ADGRB3: variants seen among roughly 807,000 people sequenced by gnomAD.
ADGRB3 encodes the protein adhesion G protein-coupled receptor B3.
Under a neutral mutation model 193.4 loss-of-function variants are expected in ADGRB3, and 37 were observed. The ratio of observed to expected loss-of-function variants is 0.19; its 90% CI spans 0.15 to 0.25. The LOEUF (loss-of-function observed/expected upper bound fraction) is 0.25, where lower values mean the gene tolerates loss of function less well. ADGRB3 is among the 10% of genes least tolerant of loss of function. ADGRB3 has a pLI of 1.00. For synonymous variants in ADGRB3, 690 were observed against 644.2 expected (o/e 1.07, Z -1.08); for missense variants, 1,637 against 1,852.9 (o/e 0.88, Z 2.14).
chr6:68,944,174 A>C (rs941684199), intron 6 of ADGRB3, among the ~76,000 whole-genome samples, 180 bp downstream of exon 6: 1 of 152,168 alleles, frequency 6.6e-6, no homozygotes, highest in African/African-American at 2.4e-5. Flanking sequence ...AGTATTGTAG[A>C]ATATGTCCTT....
rs778167328 is a variant in ADGRB3 at position 69,233,263 on chromosome 6, T to A, written c.2481-27T>A. On this transcript the variant is annotated intron_variant, in intron 17 of 31. Transcript: ENST00000370598. ...GGCTATCAGGCGTATTTATCCCGAT[T>A]TCCTCCCCCCTCACTCCCCTTTGCA... 1.9e-6 allele frequency: 3 copies of A among 1,610,278 alleles called. No individual in the cohort carries two copies. The South Asian group carries it at 3.3e-5, about 18-fold the overall frequency.
At chr6:69,183,620 T>A (rs1007449768) in intron 17 of ADGRB3, among the ~76,000 whole-genome samples, 5 of 152,124 alleles carry the variant, frequency 3.3e-5, no homozygotes, top group African/African-American at 1.2e-4. Flanking sequence ...ATTATTGATT[T>A]CATTTTTTTT....
At position 69,300,145 on chromosome 6, in the gene ADGRB3, G is replaced by A. The variant is rs184298185; in HGVS notation, c.2815-24727G>A. Among the ~76,000 whole-genome samples, 10 of 151,620 alleles carry A rather than the reference G, an allele frequency of 6.6e-5. No homozygotes were observed. The East Asian group carries it at 1.9e-3, about 30-fold the overall frequency. The stretch of plus-strand genomic sequence containing the variant: ...CACAATCAAGTGAGATTCATTCCAG[G>A]GATACAAAGATGGTTTAACATACAC... On this transcript the variant is annotated intron_variant, in intron 20 of 31. Coordinates refer to ENST00000370598, the MANE Select transcript of ADGRB3 (RefSeq NM_001704.3).
At chr6:68,653,476 G>A (rs1439056985) in intron 3 of ADGRB3, among the ~76,000 whole-genome samples, 1 of 151,986 alleles carries the variant, frequency 6.6e-6, no homozygotes, top group African/African-American at 2.4e-5. Context: ...GGGGAAGAAT[G>A]TATGCACATA....
intron 3 of ADGRB3, among the ~76,000 whole-genome samples, chr6:68,859,842 A>G (rs1400784864): frequency 6.6e-6 from 1 of 152,202 alleles, no homozygotes; most frequent in Non-Finnish European, 1.5e-5. Flanking sequence ...TAATTCTCAA[A>G]CATTTTGGTC....
chr6:68,687,009 G>C (rs1271862028), intron 3 of ADGRB3, among the ~76,000 whole-genome samples: 1 of 152,000 alleles, frequency 6.6e-6, no homozygotes, highest in African/African-American at 2.4e-5. Context: ...GTGACTTTAA[G>C]TAGTTTTGGG....
In ADGRB3 at chr6:68,784,122, T is replaced by C. The variant is rs1244163042; in HGVS notation, c.757+144690T>C. Among the ~76,000 whole-genome samples the C allele has an allele frequency of 3.3e-5, 5 of 152,134 alleles. No homozygotes were observed. The East Asian group carries it at 9.6e-4, about 29-fold the overall frequency. On this transcript the variant is annotated intron_variant, in intron 3 of 31. Coordinates refer to ENST00000370598, the MANE Select transcript of ADGRB3 (RefSeq NM_001704.3). The stretch of plus-strand genomic sequence containing the variant: ...AATTATATACTTTATTATAAAACTT[T>C]CACATATATTTTCACATATGATACT...
At chr6:68,716,421 C>A (rs1343291324) in intron 3 of ADGRB3, among the ~76,000 whole-genome samples, 1 of 151,586 alleles carries the variant, frequency 6.6e-6, no homozygotes, top group Non-Finnish European at 1.5e-5. Context: ...TATTAAAGTT[C>A]TCTTCAACTG....
At chr6:69,192,953 G>A (rs1765223789) in intron 17 of ADGRB3, among the ~76,000 whole-genome samples, 1 of 152,114 alleles carries the variant, frequency 6.6e-6, no homozygotes, top group Non-Finnish European at 1.5e-5. Flanking sequence ...ACTTGGCCAA[G>A]TTATTATTTT....
chr6:69,075,846 A>G, intron 16 of ADGRB3, 149 bp from the exon 17 acceptor site: 1 of 635,048 alleles, frequency 1.6e-6, no homozygotes, highest in Non-Finnish European at 2.7e-6. Context: ...CGAAATGCAA[A>G]TTTCTTATAA....
At chr6:68,785,295 A>G (rs1199419365) in intron 3 of ADGRB3, among the ~76,000 whole-genome samples, 1 of 133,694 alleles carries the variant, frequency 7.5e-6, no homozygotes, top group African/African-American at 2.7e-5. Context: ...TCCTAATGCT[A>G]TCCCTCCCCC....
chr6:68,926,574 A>G (rs946043317), intron 3 of ADGRB3, among the ~76,000 whole-genome samples: 2 of 152,204 alleles, frequency 1.3e-5, no homozygotes, highest in Admixed American at 1.3e-4. Context: ...AGAAGCAATA[A>G]TGGCCTAGGT....
intron 17 of ADGRB3, 136 bp from the exon 18 acceptor site, chr6:69,233,151 TCAA>T: frequency 1.3e-5 from 16 of 1,231,370 alleles, no homozygotes; most frequent in Non-Finnish European, 1.8e-5. Context: ...TACATCCTGT[TCAA>T]CAACAAGTAG....
chr6:68,710,945 A>C (rs1418562652), intron 3 of ADGRB3, among the ~76,000 whole-genome samples: 2 of 152,150 alleles, frequency 1.3e-5, no homozygotes, highest in African/African-American at 4.8e-5. Context: ...TTCTTGAAAT[A>C]ATCAAAAGAC....
chr6:68,950,067 T>C (rs1211116127), intron 6 of ADGRB3, among the ~76,000 whole-genome samples: 10 of 152,060 alleles, frequency 6.6e-5, no homozygotes, highest in Non-Finnish European at 1.3e-4. Flanking sequence ...TGTACTCTGT[T>C]TTTTTAGAGA....
chr6:69,077,887 CAG>C (rs1772278855), intron 17 of ADGRB3, among the ~76,000 whole-genome samples: 1 of 151,926 alleles, frequency 6.6e-6, no homozygotes, highest in African/African-American at 2.4e-5. Flanking sequence ...CCCATTGTGA[CAG>C]AACTTCTTTC....
intron 4 of ADGRB3, among the ~76,000 whole-genome samples, chr6:68,931,074 A>G (rs1479564372): frequency 6.6e-6 from 1 of 152,030 alleles, no homozygotes; most frequent in East Asian, 1.9e-4. Flanking sequence ...AATTTTTTCA[A>G]GTATGATCCT....
chr6:69,254,844 C>T (rs536121557), intron 20 of ADGRB3, among the ~76,000 whole-genome samples: 187 of 144,332 alleles, frequency 1.3e-3, no homozygotes, highest in African/African-American at 4.5e-3. Context: ...TCTCCCAATG[C>T]TATCCCTCCC....
rs575125426 is a variant in ADGRB3 at position 68,956,965 on chromosome 6, C to T, written c.1525+156C>T. Reference sequence around the variant, plus strand: ...CTTGTTTCTGTACTATGTGGGGCATCCCCTGTTTATGTGTCATAGAATCGT... The same window carrying T: ...CTTGTTTCTGTACTATGTGGGGCATTCCCTGTTTATGTGTCATAGAATCGT... On this transcript the variant is annotated intron_variant, in intron 8 of 31. Coordinates refer to ENST00000370598, the MANE Select transcript of ADGRB3 (RefSeq NM_001704.3). Among the ~76,000 whole-genome samples, 3 of 152,218 alleles carry T rather than the reference C, an allele frequency of 2.0e-5. No individual in the cohort carries two copies. In the South Asian group the frequency reaches 6.2e-4, roughly 32 times the overall value.
Sources: gnomAD v4.1 joint callset for allele counts (sites outside exome capture counted in the v4.1 genomes callset) on GRCh38, gnomAD v4.1.1 for gene constraint, MANE v1.5 for transcripts, NCBI Gene and HGNC (gene_info 2026-07-23, HGNC 2026-07-21) for gene names.